Variants in DNAH11 observed in about 807,000 individuals in gnomAD.
DNAH11 encodes axonemal beta dynein heavy chain 11.
Under a neutral mutation model 526.0 loss-of-function variants are expected in DNAH11, and 442 were observed. The ratio of observed to expected loss-of-function variants is 0.84; its 90% CI spans 0.78 to 0.91. DNAH11 has a LOEUF of 0.91. Ranked by LOEUF, DNAH11 falls within the 40% of genes least tolerant of loss-of-function variation. The probability of loss-of-function intolerance (pLI) is 0.00; values close to 1 mark genes in which losing one functional copy is unlikely to be tolerated. For missense variants in DNAH11, 6,989 were observed against 5,448.7 expected, an observed-to-expected ratio of 1.28 and a Z score of -8.90; for synonymous variants, 2,461 against 1,935.9, an observed-to-expected ratio of 1.27 and a Z score of -7.12.
intron 66 of DNAH11, 47 bp from the exon 67 acceptor site, chr7:21,852,420 A>AAG: frequency 1.3e-6 from 2 of 1,551,666 alleles, no homozygotes; most frequent in South Asian, 1.2e-5. Flanking sequence ...AAAAAAAAAA[A>AAG]AAAGTACTTA....
In DNAH11 at chr7:21,760,303, G is replaced by A. The variant is rs543797078; in HGVS notation, c.8941-5125G>A. On this transcript the variant is annotated intron_variant, in intron 54 of 81. Coordinates refer to ENST00000409508, the MANE Select transcript of DNAH11 (RefSeq NM_001277115.2). ...AGTTGATTGGTGATAATAAGGAGACGCACACACCAAGCCTTACAACCTGCT... is the reference window on the plus strand; with the variant it reads ...AGTTGATTGGTGATAATAAGGAGACACACACACCAAGCCTTACAACCTGCT... 5.3e-5 allele frequency among the ~76,000 whole-genome samples: 8 copies of A among 152,240 alleles called. No homozygotes were observed. The South Asian group carries it at 6.2e-4, about 12-fold the overall frequency.
At chr7:21,588,419 A>G (rs1380598670) in intron 10 of DNAH11, 93 bp from the exon 11 acceptor site, 1 of 1,511,288 alleles carries the variant, frequency 6.6e-7, no homozygotes, top group Non-Finnish European at 9.0e-7. Flanking sequence ...ATACTACTGT[A>G]AAAATACCAA....
intron 62 of DNAH11, 116 bp downstream of exon 62, chr7:21,801,391 A>T (rs952139421): frequency 7.3e-7 from 1 of 1,364,608 alleles, no homozygotes; most frequent in Admixed American, 2.4e-5. Context: ...AAAGGATAAT[A>T]TTTGATAATC....
intron 74 of DNAH11, among the ~76,000 whole-genome samples, chr7:21,875,955 C>T (rs1253781478): frequency 7.1e-6 from 1 of 140,348 alleles, no homozygotes; most frequent in Non-Finnish European, 1.5e-5. Context: ...ACGATCTCGG[C>T]TCACTGCAAG....
chr7:21,824,168 T>C (rs1434579147), intron 65 of DNAH11, among the ~76,000 whole-genome samples: 1 of 152,218 alleles, frequency 6.6e-6, no homozygotes, highest in Non-Finnish European at 1.5e-5. Flanking sequence ...AGGAGTATTT[T>C]GGGTTTTTAG....
chr7:21,717,823 C>G lies in DNAH11; in HGVS notation c.7032C>G (p.Ala2344=). 2 of 1,613,768 alleles carry G rather than the reference C, an allele frequency of 1.2e-6. No individual in the cohort carries two copies. Among genetic ancestry groups the G allele is most frequent in the African/African-American group, 1.3e-5 (1 of 75,008 alleles). ...GAAGGCGGCATCAATCAGAAAAGGC[C>G]AATTTGACTATTCTTTTTGATAAAT... ...IDRRRHQSEK[A]NLTILFDKYV... Residue 2344 remains alanine (A), a synonymous_variant, in exon 43 of 82, where the codon GCC becomes GCG. Coordinates refer to ENST00000409508, the MANE Select transcript of DNAH11 (RefSeq NM_001277115.2).
At chr7:21,569,452 C>T (rs1168502236) in intron 6 of DNAH11, among the ~76,000 whole-genome samples, 1 of 152,158 alleles carries the variant, frequency 6.6e-6, no homozygotes, top group African/African-American at 2.4e-5. Flanking sequence ...TGACCAGTGC[C>T]ACGTGGATCT....
chr7:21,720,690 A>G, intron 43 of DNAH11, 35 bp from the exon 44 acceptor site: 1 of 1,526,180 alleles, frequency 6.6e-7, no homozygotes, highest in South Asian at 1.3e-5. Context: ...ATTTTAAAAA[A>G]ATGTTGCCTT....
In DNAH11 at chr7:21,711,694, G is replaced by A. The variant is rs762978262; in HGVS notation, c.6835-18G>A. ...GCATTGCTTTTGCCCATGGGTGACAGTGTGCTGCTCACTCCAGGTGCTGAC... is the reference window on the plus strand; with the variant it reads ...GCATTGCTTTTGCCCATGGGTGACAATGTGCTGCTCACTCCAGGTGCTGAC... On this transcript the variant is annotated intron_variant, in intron 41 of 81. Coordinates refer to ENST00000409508, the MANE Select transcript of DNAH11 (RefSeq NM_001277115.2). 6.2e-7 allele frequency: 1 copy of A among 1,607,472 alleles called. No homozygotes were observed. The highest frequency in any genetic ancestry group is 1.7e-5 in the Admixed American group (1 of 59,514).
chr7:21,578,328 C>G (rs1467366258), intron 8 of DNAH11, among the ~76,000 whole-genome samples: 1 of 152,202 alleles, frequency 6.6e-6, no homozygotes, highest in Non-Finnish European at 1.5e-5. Context: ...AGTGTGAAAC[C>G]CACCAAGGCA....
intron 8 of DNAH11, among the ~76,000 whole-genome samples, chr7:21,577,973 G>A (rs1784165049): frequency 6.6e-6 from 1 of 152,174 alleles, no homozygotes; most frequent in African/African-American, 2.4e-5. Context: ...ATGAAGAAAA[G>A]AGGTTTAATT....
At chr7:21,850,608 C>CTTTTTTTTTTTTTTTTTTTTTTTTTT in intron 66 of DNAH11, among the ~76,000 whole-genome samples, 1 of 62,658 alleles carries the variant, frequency 1.6e-5, no homozygotes, top group Non-Finnish European at 2.9e-5. Context: ...CTGTCTTCTT[C>CTTTTTTTTTTTTTTTTTTTTTTTTTT]TTTTTTTTTT....
At chr7:21,635,233 T>G (rs1786804199) in intron 25 of DNAH11, among the ~76,000 whole-genome samples, 1 of 152,120 alleles carries the variant, frequency 6.6e-6, no homozygotes, top group African/African-American at 2.4e-5. Flanking sequence ...CTCAGCTCAC[T>G]GCAAGCTCCG....
At chr7:21,754,225 C>G (rs1416599069) in intron 54 of DNAH11, among the ~76,000 whole-genome samples, 3 of 152,088 alleles carry the variant, frequency 2.0e-5, no homozygotes, top group African/African-American at 7.2e-5. Context: ...ACTGTTAGGT[C>G]TTATGTTGGC....
chr7:21,617,078 G>A (rs887946063), intron 22 of DNAH11, among the ~76,000 whole-genome samples: 6 of 152,116 alleles, frequency 3.9e-5, no homozygotes, highest in African/African-American at 1.4e-4. Flanking sequence ...AGTTCTAGTT[G>A]TTTTCTTATG....
chr7:21,694,494 C>A (rs1181594473), intron 35 of DNAH11, among the ~76,000 whole-genome samples: 1 of 152,160 alleles, frequency 6.6e-6, no homozygotes, highest in East Asian at 1.9e-4. Context: ...ATGATGGTTT[C>A]CAGCTTCATC....
At chr7:21,745,135 A>G (rs936854750) in intron 51 of DNAH11, 72 bp downstream of exon 51, 61 of 1,464,386 alleles carry the variant, frequency 4.2e-5, no homozygotes, top group Admixed American at 1.6e-4. Flanking sequence ...TCATTTTTCA[A>G]TAGATCATAC....
intron 6 of DNAH11, among the ~76,000 whole-genome samples, chr7:21,568,404 CCT>C (rs1003762202): frequency 6.6e-6 from 1 of 151,976 alleles, no homozygotes; most frequent in Non-Finnish European, 1.5e-5. Context: ...AATTCATTTC[CCT>C]CATTTTGCAG....
rs980659624 is a variant in DNAH11, at chr7:21,786,561, C to G, written c.9598-63C>G. On this transcript the variant is annotated intron_variant, in intron 58 of 81. Coordinates refer to ENST00000409508, the MANE Select transcript of DNAH11 (RefSeq NM_001277115.2). ...CACTAAAGCCTTGCTTGGCAACTTA[C>G]AGAGCTTCTCCAGACTTCCGCTAAT... 8 of 1,518,452 alleles carry G rather than the reference C, an allele frequency of 5.3e-6. No homozygotes were observed. In the Admixed American group the frequency reaches 1.2e-4, roughly 22 times the overall value. 94.1% of individuals were successfully genotyped at this position (1,518,452 alleles called of 1,614,324 possible). A position where few individuals can be genotyped will look rare whatever the true frequency, so the allele number is the denominator to read the frequency against.
Sources: gnomAD v4.1 joint callset for allele counts (sites outside exome capture counted in the v4.1 genomes callset) on GRCh38, gnomAD v4.1.1 for gene constraint, MANE v1.5 for transcripts, NCBI Gene and HGNC (gene_info 2026-07-23, HGNC 2026-07-21) for gene names.